Variants in FAM163B observed in about 807,000 individuals in gnomAD.
FAM163B encodes protein FAM163B.
In FAM163B, 4 loss-of-function variants were observed where a neutral mutation model predicts 7.6. The ratio of observed to expected loss-of-function variants is 0.52; its 90% confidence interval spans 0.26 to 1.20. The LOEUF is 1.20. Among genes scored for constraint, FAM163B ranks in the 50% most tolerant of loss-of-function variants. The pLI is 0.14. For synonymous variants in FAM163B, 120 were observed against 111.6 expected, an observed-to-expected ratio of 1.07 and a Z score of -0.47; for missense variants, 250 against 243.0, an observed-to-expected ratio of 1.03 and a Z score of -0.19.
intron 1 of FAM163B, among the ~76,000 whole-genome samples, chr9:133,583,131 C>T (rs988275367): frequency 3.3e-5 from 5 of 152,256 alleles, no homozygotes; most frequent in African/African-American, 7.2e-5. Context: ...GGTGGAGGCT[C>T]GTGCCCGAGT....
intron 1 of FAM163B, among the ~76,000 whole-genome samples, chr9:133,599,017 G>C (rs1427930841): frequency 6.6e-6 from 1 of 152,102 alleles, no homozygotes; most frequent in East Asian, 1.9e-4. Context: ...CCTCCCCCAG[G>C]GGCCCTCCCC....
intron 1 of FAM163B, among the ~76,000 whole-genome samples, chr9:133,608,444 T>A (rs1831815264): frequency 7.1e-6 from 1 of 140,906 alleles, no homozygotes; most frequent in Non-Finnish European, 1.6e-5. Flanking sequence ...TAGTGTCAGT[T>A]AGGCAACCCC....
chr9:133,598,197 C>T (rs1831659472), intron 1 of FAM163B, among the ~76,000 whole-genome samples: 3 of 152,028 alleles, frequency 2.0e-5, no homozygotes, highest in Non-Finnish European at 2.9e-5. Flanking sequence ...TGGAGTCGGG[C>T]TTGTCTTGTT....
At chr9:133,590,175 TCTTTCCTTTCCTTTCCTTCTTTC>T (rs1229789207) in intron 1 of FAM163B, among the ~76,000 whole-genome samples, 1 of 122,496 alleles carries the variant, frequency 8.2e-6, no homozygotes, top group African/African-American at 3.2e-5. Context: ...CCCCTCCCCT[TCTTTCCTTTCCTTTCCTTCTTTC>T]CTTTCCTTTC....
intron 1 of FAM163B, among the ~76,000 whole-genome samples, chr9:133,588,763 G>A (rs952889265): frequency 3.0e-5 from 1 of 32,954 alleles, no homozygotes; most frequent in Non-Finnish European, 6.6e-5. Context: ...CCCAGAGAGG[G>A]GACCTTGCCC....
intron 1 of FAM163B, among the ~76,000 whole-genome samples, chr9:133,605,544 A>G (rs961117534): frequency 1.3e-5 from 2 of 152,122 alleles, no homozygotes; most frequent in Non-Finnish European, 2.9e-5. Context: ...AGAGGTGACT[A>G]GCTCGGTCCG....
chr9:133,578,995 G>A lies in FAM163B; in HGVS notation c.*27C>T, dbSNP rs1170788886. 6.8e-7 allele frequency: 1 copy of A among 1,475,636 alleles called. No homozygotes were observed. Among genetic ancestry groups the A allele is most frequent in the East Asian group, 2.5e-5 (1 of 40,590 alleles). The allele number at this position is 1,475,636 out of a possible 1,614,324, so 91.4% of individuals were successfully genotyped here. A position where few individuals can be genotyped will look rare whatever the true frequency, so the allele number is the denominator to read the frequency against. On this transcript the variant is annotated 3_prime_UTR_variant, in exon 3 of 3. Coordinates refer to ENST00000673969, the MANE Select transcript of FAM163B (RefSeq NM_001080515.3). ...CCCCCCATTGTCTCAGGACCTTCAAGGCCAGGATCCCGGGGGCGGGCCCAG... is the reference window on the plus strand; with the variant it reads ...CCCCCCATTGTCTCAGGACCTTCAAAGCCAGGATCCCGGGGGCGGGCCCAG...
At chr9:133,608,045 A>G (rs1216308201) in intron 1 of FAM163B, among the ~76,000 whole-genome samples, 1 of 152,206 alleles carries the variant, frequency 6.6e-6, no homozygotes, top group East Asian at 1.9e-4. Context: ...GGGGGTTGGT[A>G]ATTACTGCTC....
chr9:133,582,287 T>A (rs1831367844), intron 1 of FAM163B, among the ~76,000 whole-genome samples: 1 of 152,228 alleles, frequency 6.6e-6, no homozygotes, highest in Admixed American at 6.5e-5. Flanking sequence ...ACGTGGAAAC[T>A]TGCCCAGTGC....
chr9:133,599,316 G>T (rs1342431062), intron 1 of FAM163B, among the ~76,000 whole-genome samples: 30 of 152,158 alleles, frequency 2.0e-4, no homozygotes. Context: ...GCTCGCCCAG[G>T]CCTCCTCTGG....
chr9:133,593,636 C>A (rs939960033), intron 1 of FAM163B, among the ~76,000 whole-genome samples: 7 of 152,256 alleles, frequency 4.6e-5, no homozygotes, highest in African/African-American at 1.4e-4. Flanking sequence ...TCAGTCTTGT[C>A]TCTGAAACAG....
intron 1 of FAM163B, among the ~76,000 whole-genome samples, chr9:133,605,126 G>A (rs1427631653): frequency 6.6e-6 from 1 of 152,226 alleles, no homozygotes; most frequent in East Asian, 1.9e-4. Flanking sequence ...GCCAGGAAGT[G>A]AGCACGGGTC....
intron 1 of FAM163B, among the ~76,000 whole-genome samples, chr9:133,581,397 G>A (rs1831353689): frequency 6.6e-6 from 1 of 152,100 alleles, no homozygotes; most frequent in Admixed American, 6.6e-5. Flanking sequence ...GCTGGGGTAT[G>A]GGGTGGAGGA....
At position 133,579,238 on chromosome 9, in the gene FAM163B, G is replaced by A; in HGVS notation, c.285C>T (p.Ser95=). The A allele has an allele frequency of 6.2e-7, 1 of 1,612,106 alleles. No homozygotes were observed. Among genetic ancestry groups the A allele is most frequent in the Non-Finnish European group, 8.5e-7 (1 of 1,179,786 alleles). The change falls in exon 3 of 3, where the codon TCC becomes TCT. Residue 95 remains serine (S), a synonymous_variant. Transcript: ENST00000673969. ...PQARALCRSC[S]HCEPPTFFLQ... is the part of the protein sequence containing the mutation. ...GGAAGAAGGTGGGGGGCTCGCAGTG[G>A]GAGCAGCTGCGGCAGAGGGCGCGGG...
At position 133,606,492 on chromosome 9, in the gene FAM163B, T is replaced by G. The variant is rs139375499; in HGVS notation, c.-24+2585A>C. On this transcript the variant is annotated intron_variant, in intron 1 of 2. Coordinates refer to ENST00000673969, the MANE Select transcript of FAM163B (RefSeq NM_001080515.3). The surrounding 1 kb of genome is among the most constrained non-coding windows in gnomAD (Gnocchi z 4.0). Reference sequence around the variant, plus strand: ...CTGTAGGGTGGTCCCCAGGACCACATGCTCTTGGCATCCAAAAGCCTTTTG... The same window carrying G: ...CTGTAGGGTGGTCCCCAGGACCACAGGCTCTTGGCATCCAAAAGCCTTTTG... Among the ~76,000 whole-genome samples, 179 of 152,332 alleles carry G rather than the reference T, an allele frequency of 1.2e-3. 4 individuals are homozygous for G. The East Asian group carries it at 0.033, about 28-fold the overall frequency.
intron 1 of FAM163B, among the ~76,000 whole-genome samples, chr9:133,594,947 G>T (rs1831608983): frequency 6.6e-6 from 1 of 152,136 alleles, no homozygotes; most frequent in Non-Finnish European, 1.5e-5. Context: ...CAAGACAAGA[G>T]GGGCGAGGTC....
chr9:133,585,357 C>T (rs1164293780), intron 1 of FAM163B, among the ~76,000 whole-genome samples: 3 of 152,352 alleles, frequency 2.0e-5, no homozygotes, highest in Admixed American at 6.5e-5. Flanking sequence ...CCACACGTCC[C>T]GTGCTGAATT....
At position 133,578,532 on chromosome 9, in the gene FAM163B, G is replaced by C. The variant is rs1396446706; in HGVS notation, c.*490C>G. Reference sequence around the variant, plus strand: ...AGAGAGGGAAAAATGGAGAGAAAGAGGCTGGAGTTCAAGGTGGAGGAGCAG... The same window carrying C: ...AGAGAGGGAAAAATGGAGAGAAAGACGCTGGAGTTCAAGGTGGAGGAGCAG... On this transcript the variant is annotated 3_prime_UTR_variant, in exon 3 of 3. Transcript: ENST00000673969. 1 of 157,218 alleles carries C rather than the reference G, an allele frequency of 6.4e-6. No individual in the cohort carries two copies. Among genetic ancestry groups the C allele is most frequent in the South Asian group, 2.0e-4 (1 of 4,894 alleles). 9.7% of individuals were successfully genotyped at this position (157,218 alleles called of 1,614,324 possible).
intron 1 of FAM163B, among the ~76,000 whole-genome samples, chr9:133,605,955 A>C (rs1186835846): frequency 6.6e-6 from 1 of 152,140 alleles, no homozygotes; most frequent in African/African-American, 2.4e-5. Flanking sequence ...TGGTGCAGCC[A>C]GAGAGGGTCC....
Sources: allele counts gnomAD v4.1 joint callset (sites outside exome capture counted in the v4.1 genomes callset), GRCh38; gene constraint gnomAD v4.1.1; non-coding constraint Gnocchi (gnomAD v3.1); transcripts MANE v1.5; gene names NCBI Gene and HGNC (gene_info 2026-07-23, HGNC 2026-07-21).